COP1: variants seen among roughly 807,000 people sequenced by gnomAD.
COP1 encodes the protein COP1 E3 ubiquitin ligase.
In COP1, 24 loss-of-function variants were observed where a neutral mutation model predicts 101.3. The ratio of observed to expected loss-of-function variants is 0.24; its 90% CI spans 0.17 to 0.33. The LOEUF (loss-of-function observed/expected upper bound fraction) is 0.33. COP1 is among the 10% of genes least tolerant of loss of function. The pLI is 1.00. For missense variants in COP1, 663 were observed against 906.2 expected, an observed-to-expected ratio of 0.73 and a Z score of 3.45; for synonymous variants, 347 against 341.9, an observed-to-expected ratio of 1.01 and a Z score of -0.17.
At chr1:176,048,965 G>A (rs1672002287) in intron 11 of COP1, among the ~76,000 whole-genome samples, 1 of 151,034 alleles carries the variant, frequency 6.6e-6, no homozygotes, top group South Asian at 2.1e-4. Flanking sequence ...GAGGTCAGGA[G>A]ATCGAGACCA....
intron 3 of COP1, among the ~76,000 whole-genome samples, chr1:176,173,059 T>A (rs1196724365): frequency 6.6e-6 from 1 of 152,134 alleles, no homozygotes; most frequent in Non-Finnish European, 1.5e-5. Flanking sequence ...ACACCTGTAA[T>A]CCCAGTACTT....
chr1:176,189,023 A>C (rs1698807341), intron 1 of COP1, among the ~76,000 whole-genome samples: 1 of 152,204 alleles, frequency 6.6e-6, no homozygotes, highest in Admixed American at 6.5e-5. Context: ...AGATCTAAGA[A>C]ACTCAGAAAC....
chr1:176,149,091 T>C lies in COP1; in HGVS notation c.763-17A>G, dbSNP rs777643310. The C allele has an allele frequency of 6.7e-7, 1 of 1,503,498 alleles. No individual in the cohort carries two copies. Among genetic ancestry groups the C allele is most frequent in the South Asian group, 1.2e-5 (1 of 81,612 alleles). 93.1% of individuals were successfully genotyped at this position (1,503,498 alleles called of 1,614,324 possible). A position where few individuals can be genotyped will look rare whatever the true frequency, so the allele number is the denominator to read the frequency against. On this transcript the variant is annotated splice_polypyrimidine_tract_variant and intron_variant, in intron 5 of 19. Coordinates refer to ENST00000367669, the MANE Select transcript of COP1 (RefSeq NM_022457.7). Reference sequence around the variant, plus strand: ...ATGTGATTCCTACAATAGAAAATTATAATTTTTCTTTTAAAAAATATAACT... The same window carrying C: ...ATGTGATTCCTACAATAGAAAATTACAATTTTTCTTTTAAAAAATATAACT...
At chr1:176,038,131 T>C (rs1669896645) in intron 14 of COP1, among the ~76,000 whole-genome samples, 1 of 152,232 alleles carries the variant, frequency 6.6e-6, no homozygotes, top group Non-Finnish European at 1.5e-5. Flanking sequence ...ACTGTATTTC[T>C]ATAAACTAGT....
intron 15 of COP1, among the ~76,000 whole-genome samples, chr1:175,995,655 G>C (rs1245370292): frequency 6.6e-6 from 1 of 152,116 alleles, no homozygotes; most frequent in Non-Finnish European, 1.5e-5. Flanking sequence ...AGAACAAATG[G>C]ATAAATTCCT....
At chr1:176,107,317 A>C (rs1684491416) in intron 9 of COP1, among the ~76,000 whole-genome samples, 1 of 152,188 alleles carries the variant, frequency 6.6e-6, no homozygotes, top group South Asian at 2.1e-4. Context: ...GTTTTAAAAT[A>C]TATTTCTCCA....
At position 176,058,140 on chromosome 1, in the gene COP1, G is replaced by GGT. The variant is rs1265366283; in HGVS notation, c.1278-11817_1278-11816insAC. ...CCGTCGGGAGGGAGGTGGGGTGGGG[G>GGT]GGGGGTCAGCCCCCGCCCGGCCAGC... On this transcript the variant is annotated intron_variant, in intron 11 of 19. Transcript: ENST00000367669. Among the ~76,000 whole-genome samples, 69 of 141,312 alleles carry GGT rather than the reference G, an allele frequency of 4.9e-4. 4 individuals are homozygous for GGT. The highest frequency in any genetic ancestry group is 4.6e-3 in the East Asian group (19 of 4,164). 92.7% of individuals were successfully genotyped at this position (141,312 alleles called of 152,430 possible).
intron 18 of COP1, among the ~76,000 whole-genome samples, chr1:175,984,616 T>C (rs1412835726): frequency 1.1e-4 from 16 of 152,094 alleles, no homozygotes; most frequent in Non-Finnish European, 1.6e-4. Context: ...CCCAAAATGG[T>C]AGATCCACTG....
At chr1:176,082,290 C>G (rs533025832) in intron 10 of COP1, among the ~76,000 whole-genome samples, 1 of 152,292 alleles carries the variant, frequency 6.6e-6, no homozygotes, top group South Asian at 2.1e-4. Flanking sequence ...TACATACACA[C>G]ACACACAACT....
At chr1:176,020,236 G>T (rs1470364241) in intron 15 of COP1, among the ~76,000 whole-genome samples, 1 of 151,048 alleles carries the variant, frequency 6.6e-6, no homozygotes, top group Non-Finnish European at 1.5e-5. Flanking sequence ...GCTTGAACTT[G>T]GGAGGCAGAA....
At chr1:176,090,412 T>C (rs1269022961) in intron 9 of COP1, among the ~76,000 whole-genome samples, 1 of 152,118 alleles carries the variant, frequency 6.6e-6, no homozygotes, top group Non-Finnish European at 1.5e-5. Flanking sequence ...AAAAAGTTTA[T>C]TTGTCTCCAA....
intron 18 of COP1, among the ~76,000 whole-genome samples, chr1:175,960,709 A>G (rs963092360): frequency 3.9e-5 from 6 of 152,230 alleles, no homozygotes; most frequent in Non-Finnish European, 8.8e-5. Context: ...AAGGGCCTTT[A>G]TAAGTCCCTG....
rs540741870 is a variant in COP1 at position 176,015,823 on chromosome 1, A to G, written c.1729+11749T>C. ...GTAATTTGGTGATGATGACAAGAAC[A>G]CTTTTAAGTGGAATTATGGTGGCAG... On this transcript the variant is annotated intron_variant, in intron 15 of 19. Coordinates refer to ENST00000367669, the MANE Select transcript of COP1 (RefSeq NM_022457.7). 7.2e-5 allele frequency among the ~76,000 whole-genome samples: 11 copies of G among 152,240 alleles called. No individual in the cohort carries two copies. In the East Asian group the frequency reaches 2.1e-3, roughly 29 times the overall value.
intron 1 of COP1, among the ~76,000 whole-genome samples, chr1:176,204,476 C>T (rs1700620138): frequency 6.6e-6 from 1 of 152,122 alleles, no homozygotes; most frequent in East Asian, 1.9e-4. Context: ...AAAAGGATTC[C>T]TTGGGCCTTG....
At chr1:176,065,221 G>A (rs1002957934) in intron 11 of COP1, among the ~76,000 whole-genome samples, 2 of 152,140 alleles carry the variant, frequency 1.3e-5, no homozygotes, top group Non-Finnish European at 2.9e-5. Context: ...TCAAGTGTTA[G>A]TATGTTATGG....
At chr1:176,050,955 CA>C (rs1388335618) in intron 11 of COP1, among the ~76,000 whole-genome samples, 2 of 152,066 alleles carry the variant, frequency 1.3e-5, no homozygotes, top group African/African-American at 4.8e-5. Context: ...AACATATACA[CA>C]GGCAAAATAA....
At chr1:176,012,424 C>T (rs1372111393) in intron 15 of COP1, among the ~76,000 whole-genome samples, 1 of 152,016 alleles carries the variant, frequency 6.6e-6, no homozygotes, top group Non-Finnish European at 1.5e-5. Context: ...CCGCACCCAG[C>T]CAAGCTAAGT....
rs1327576954 is a variant in COP1 at position 175,947,069 on chromosome 1, G to T, written c.2178+126C>A. On this transcript the variant is annotated intron_variant, in intron 19 of 19. Coordinates refer to ENST00000367669, the MANE Select transcript of COP1 (RefSeq NM_022457.7). ...TCTTTTCCCTTAAATCAAGCCATTT[G>T]TAAGGAGACACAGACCCATGATTTG... 10 of 702,734 alleles carry T rather than the reference G, an allele frequency of 1.4e-5. No homozygotes were observed. In the East Asian group the frequency reaches 2.5e-4, roughly 18 times the overall value. The allele number at this position is 702,734 out of a possible 1,614,324, so 43.5% of individuals were successfully genotyped here.
At chr1:175,993,022 G>C (rs1031639964) in intron 15 of COP1, among the ~76,000 whole-genome samples, 2 of 152,078 alleles carry the variant, frequency 1.3e-5, no homozygotes, top group African/African-American at 4.8e-5. Flanking sequence ...ACCTCACACC[G>C]CCGGGTACTC....
Sources: allele counts gnomAD v4.1 joint callset (sites outside exome capture counted in the v4.1 genomes callset), GRCh38; gene constraint gnomAD v4.1.1; transcripts MANE v1.5; gene names NCBI Gene and HGNC (gene_info 2026-07-23, HGNC 2026-07-21).